Variants in DLGAP2 observed in about 807,000 individuals in gnomAD.
DLGAP2 encodes DLG associated protein 2, also known as disks large-associated protein 2.
In DLGAP2, 26 loss-of-function variants were observed where a neutral mutation model predicts 100.3. The observed-to-expected ratio is 0.26, with a 90% CI of 0.19 to 0.36. The LOEUF (loss-of-function observed/expected upper bound fraction) is 0.36. Ranked by LOEUF, DLGAP2 falls within the 10% of genes least tolerant of loss-of-function variation. The pLI is 1.00. For missense variants in DLGAP2, 1,858 were observed against 1,453.2 expected (o/e 1.28, Z -4.53); for synonymous variants, 886 against 630.1 (o/e 1.41, Z -6.08).
At chr8:1,639,202 G>A (rs941618784) in intron 8 of DLGAP2, among the ~76,000 whole-genome samples, 3 of 152,068 alleles carry the variant, frequency 2.0e-5, no homozygotes, top group African/African-American at 4.8e-5. Flanking sequence ...CGAACAGGAG[G>A]GTATAGAAAG....
chr8:892,223 C>T (rs185275210), intron 1 of DLGAP2, among the ~76,000 whole-genome samples: 13 of 152,270 alleles, frequency 8.5e-5, no homozygotes, highest in East Asian at 1.9e-4. Flanking sequence ...TGATAGACAG[C>T]GGGGTCTCGG....
chr8:1,683,656 G>A (rs1306787916), intron 12 of DLGAP2, among the ~76,000 whole-genome samples: 2 of 149,868 alleles, frequency 1.3e-5, no homozygotes, highest in African/African-American at 4.9e-5. Flanking sequence ...GCAGGAGGAT[G>A]GGCTGTCTTA....
At chr8:1,530,751 G>C (rs1800963173) in intron 4 of DLGAP2, among the ~76,000 whole-genome samples, 1 of 152,240 alleles carries the variant, frequency 6.6e-6, no homozygotes, top group Admixed American at 6.5e-5. Flanking sequence ...GCTTCAGCCA[G>C]TCCCTCCGTC....
At chr8:823,138 A>C (rs1796617667) in intron 1 of DLGAP2, among the ~76,000 whole-genome samples, 1 of 151,924 alleles carries the variant, frequency 6.6e-6, no homozygotes, top group African/African-American at 2.4e-5. Context: ...GCAGCTTCAC[A>C]CGTTCTGGCT....
intron 2 of DLGAP2, among the ~76,000 whole-genome samples, chr8:979,016 C>T (rs1800252571): frequency 6.6e-6 from 1 of 152,144 alleles, no homozygotes; most frequent in Non-Finnish European, 1.5e-5. Flanking sequence ...CACTCCCCAG[C>T]TTGTTCCCAC....
Position 1,093,012 on chromosome 8 carries a change from T to C in DLGAP2, c.74-165839T>C, listed in dbSNP as rs185407188. Among the ~76,000 whole-genome samples the C allele has an allele frequency of 3.9e-3, 587 of 152,284 alleles. 3 individuals carry two copies. Among genetic ancestry groups the C allele is most frequent in the African/African-American group, 0.013 (553 of 41,568 alleles). On this transcript the variant is annotated intron_variant, in intron 2 of 14. Transcript: ENST00000637795. ...GGTCCGAAATCCCCAGAGTAGGCCA[T>C]GGGCAGGCGCCCTGGGAAGAGCCAG...
intron 12 of DLGAP2, among the ~76,000 whole-genome samples, chr8:1,689,354 T>C (rs755952942): frequency 3.9e-4 from 60 of 152,196 alleles, no homozygotes; most frequent in Non-Finnish European, 1.0e-4. Context: ...CACCTGCATG[T>C]GTCTAGGCAA....
intron 3 of DLGAP2, among the ~76,000 whole-genome samples, chr8:1,370,191 C>G (rs530283027): frequency 2.6e-5 from 4 of 152,166 alleles, no homozygotes; most frequent in Non-Finnish European, 5.9e-5. Flanking sequence ...TCAGTGTCCT[C>G]AGCACTGCCC....
At chr8:940,841 G>A (rs768819585) in intron 2 of DLGAP2, among the ~76,000 whole-genome samples, 1 of 152,224 alleles carries the variant, frequency 6.6e-6, no homozygotes, top group African/African-American at 2.4e-5. Flanking sequence ...CCTCACTGAG[G>A]TCTCTGCTCT....
At chr8:1,162,736 C>A (rs933096919) in intron 2 of DLGAP2, among the ~76,000 whole-genome samples, 6 of 152,210 alleles carry the variant, frequency 3.9e-5, no homozygotes, top group East Asian at 3.8e-4. Flanking sequence ...TGGGAAGATT[C>A]AGCCATGGAG....
At chr8:1,287,992 GTGTGTT>G (rs1393981120) in intron 3 of DLGAP2, among the ~76,000 whole-genome samples, 33 of 48,424 alleles carry the variant, frequency 6.8e-4, no homozygotes, top group Admixed American at 5.0e-3. Flanking sequence ...TTGAGTGTGT[GTGTGTT>G]TGTGTGGTTC....
intron 3 of DLGAP2, among the ~76,000 whole-genome samples, chr8:1,416,423 A>G (rs1028751977): frequency 6.6e-5 from 10 of 152,120 alleles, no homozygotes; most frequent in African/African-American, 2.2e-4. Flanking sequence ...GGCAAATTAA[A>G]CTTTTCCATA....
At position 1,206,361 on chromosome 8, in the gene DLGAP2, G is replaced by A. The variant is rs551145601; in HGVS notation, c.74-52490G>A. Reference sequence around the variant, plus strand: ...AATGGTTAATCTCCAGCCATCCGTGGACTGGGGTAGACTGTGAGCGGTTAA... The same window carrying A: ...AATGGTTAATCTCCAGCCATCCGTGAACTGGGGTAGACTGTGAGCGGTTAA... On this transcript the variant is annotated intron_variant, in intron 2 of 14. Transcript: ENST00000637795. 1.3e-4 allele frequency among the ~76,000 whole-genome samples: 20 copies of A among 151,536 alleles called. 1 individual carries two copies. Among genetic ancestry groups the A allele is most frequent in the African/African-American group, 4.6e-4 (19 of 41,158 alleles).
chr8:1,627,686 G>T (rs1300737105), intron 7 of DLGAP2, among the ~76,000 whole-genome samples: 2 of 152,244 alleles, frequency 1.3e-5, no homozygotes, highest in African/African-American at 4.8e-5. Context: ...GGGATTAAGA[G>T]CCTGAGCCGA....
At chr8:1,084,676 T>C (rs1803917214) in intron 2 of DLGAP2, among the ~76,000 whole-genome samples, 2 of 152,234 alleles carry the variant, frequency 1.3e-5, no homozygotes, top group South Asian at 4.1e-4. Flanking sequence ...TATCCTCCCA[T>C]TCCATGCATG....
chr8:784,265 G>A (rs1273082547), intron 1 of DLGAP2, among the ~76,000 whole-genome samples: 2 of 152,184 alleles, frequency 1.3e-5, no homozygotes, highest in Non-Finnish European at 2.9e-5. Context: ...GTTTAGTCAA[G>A]AAGACAGTTT....
intron 1 of DLGAP2, among the ~76,000 whole-genome samples, chr8:831,519 T>G (rs910031974): frequency 6.6e-6 from 1 of 152,198 alleles, no homozygotes; most frequent in African/African-American, 2.4e-5. Context: ...TCCAGCTTCA[T>G]CCATGTCCCT....
intron 1 of DLGAP2, among the ~76,000 whole-genome samples, chr8:828,192 G>A (rs941710445): frequency 7.2e-5 from 11 of 152,190 alleles, no homozygotes; most frequent in Admixed American, 2.0e-4. Context: ...AGGAGACAGG[G>A]TTTTGAGATC....
chr8:1,681,768 T>C (rs1798953659), intron 12 of DLGAP2, among the ~76,000 whole-genome samples: 1 of 152,228 alleles, frequency 6.6e-6, no homozygotes, highest in East Asian at 1.9e-4. Flanking sequence ...GTGAGTAGTA[T>C]TGTAAGCATT....
Sources: allele counts gnomAD v4.1 joint callset (sites outside exome capture counted in the v4.1 genomes callset), GRCh38; gene constraint gnomAD v4.1.1; transcripts MANE v1.5; gene names NCBI Gene and HGNC (gene_info 2026-07-23, HGNC 2026-07-21).